Variants in UBE2D3 observed in about 807,000 individuals in gnomAD.
UBE2D3 encodes ubiquitin-conjugating enzyme E2 D3.
A neutral mutation model predicts 22.8 loss-of-function variants in UBE2D3; 2 were observed. That is an observed-to-expected ratio of 0.09 (90% CI 0.04 to 0.28). The LOEUF is 0.28. Among genes scored for constraint, UBE2D3 ranks in the 10% least tolerant of loss-of-function variants. The pLI is 1.00. For synonymous variants in UBE2D3, 56 were observed against 60.4 expected (o/e 0.93, Z 0.34); for missense variants, 27 against 182.5 (o/e 0.15, Z 4.91).
upstream of UBE2D3, among the ~76,000 whole-genome samples, chr4:102,831,271 A>C (rs1444437244): frequency 6.6e-6 from 1 of 152,230 alleles, no homozygotes; most frequent in African/African-American, 2.4e-5. Context: ...CACAAAAATC[A>C]AATTGATTTC....
exon 1 of UBE2D3, chr4:102,868,757 A>T: frequency 6.2e-7 from 1 of 1,614,080 alleles, no homozygotes; most frequent in Non-Finnish European, 8.5e-7. Context: ...TCACATGCTT[A>T]TCTCATCGCA....
intron 2 of UBE2D3, among the ~76,000 whole-genome samples, chr4:102,815,005 T>G (rs1728589838): frequency 6.6e-6 from 1 of 152,132 alleles, no homozygotes; most frequent in Admixed American, 6.6e-5. Flanking sequence ...GATTTTACAT[T>G]TAATATATGT....
At chr4:102,827,565 A>C, upstream of UBE2D3, 1 of 986,744 alleles carries the variant, frequency 1.0e-6, no homozygotes, top group Non-Finnish European at 1.2e-6. Context: ...GCCAGCTGCC[A>C]CGCTCCGCCC....
At chr4:102,859,490 A>G (rs4428288) in intron 1 of UBE2D3, among the ~76,000 whole-genome samples, 6,238 of 152,046 alleles carry the variant, frequency 0.041, 470 homozygotes, top group African/African-American at 0.14. Context: ...ATGAACCACA[A>G]AAAGATCAAT....
At chr4:102,801,397 C>G in intron 6 of UBE2D3, 57 bp downstream of exon 6, 1 of 1,437,018 alleles carries the variant, frequency 7.0e-7, no homozygotes, top group South Asian at 1.2e-5. Flanking sequence ...ATAAGTAGAT[C>G]TAAGAATGAA....
intron 1 of UBE2D3, among the ~76,000 whole-genome samples, chr4:102,834,200 A>G (rs913235417): frequency 2.0e-5 from 3 of 152,192 alleles, no homozygotes; most frequent in African/African-American, 7.2e-5. Context: ...CCTTTTCTAC[A>G]GAGAAGAGCA....
intron 2 of UBE2D3, among the ~76,000 whole-genome samples, chr4:102,821,454 T>C (rs1259737506): frequency 6.6e-6 from 1 of 152,172 alleles, no homozygotes; most frequent in African/African-American, 2.4e-5. Context: ...TCCCTGGGAC[T>C]AGAATACTAC....
chr4:102,850,616 C>T (rs1255328683), intron 1 of UBE2D3, among the ~76,000 whole-genome samples: 1 of 152,154 alleles, frequency 6.6e-6, no homozygotes, highest in Non-Finnish European at 1.5e-5. Flanking sequence ...AGAAGAGTGA[C>T]TCGGTCAGAC....
In UBE2D3 at chr4:102,809,719, A is replaced by C. The variant is rs755277430; in HGVS notation, c.89-16T>G. On this transcript the variant is annotated splice_polypyrimidine_tract_variant and intron_variant, in intron 3 of 7. Transcript: ENST00000453744. ...CAATGAAACACTAGAAAAAGAAAAA[A>C]AACTCTGGTTATCTAAAAATGCACA... 1.6e-5 allele frequency: 26 copies of C among 1,612,626 alleles called. No homozygotes were observed. Among genetic ancestry groups the C allele is most frequent in the Middle Eastern group, 3.3e-4 (2 of 6,056 alleles).
At chr4:102,853,292 G>A (rs372214314) in intron 1 of UBE2D3, among the ~76,000 whole-genome samples, 3 of 151,792 alleles carry the variant, frequency 2.0e-5, no homozygotes, top group East Asian at 1.9e-4. Flanking sequence ...ACAGGCGCCC[G>A]CCACTACACA....
intron 7 of UBE2D3, chr4:102,798,963 GCTAAC>G: frequency 6.2e-7 from 1 of 1,611,602 alleles, no homozygotes; most frequent in Non-Finnish European, 8.5e-7. Context: ...CCACTCTCTT[GCTAAC>G]CTATTGTACC....
At chr4:102,852,047 A>G (rs912826112) in intron 1 of UBE2D3, among the ~76,000 whole-genome samples, 3 of 97,926 alleles carry the variant, frequency 3.1e-5, no homozygotes, top group African/African-American at 6.3e-5. Context: ...AAGTTTGGCC[A>G]TGTAACTATT....
chr4:102,816,104 G>A (rs577692717), intron 2 of UBE2D3, among the ~76,000 whole-genome samples: 1 of 152,338 alleles, frequency 6.6e-6, no homozygotes, highest in East Asian at 1.9e-4. Flanking sequence ...GTAGCTAGCA[G>A]ACATTTTGTC....
At chr4:102,825,082 T>C (rs1730244721) in intron 2 of UBE2D3, among the ~76,000 whole-genome samples, 1 of 152,194 alleles carries the variant, frequency 6.6e-6, no homozygotes, top group African/African-American at 2.4e-5. Context: ...ACCTTCCTCT[T>C]TCATGAAACA....
At chr4:102,860,340 T>G (rs1402784527) in intron 1 of UBE2D3, among the ~76,000 whole-genome samples, 5 of 147,262 alleles carry the variant, frequency 3.4e-5, no homozygotes, top group Non-Finnish European at 6.0e-5. Flanking sequence ...GTTTTCTTGG[T>G]GTGTGTGTGT....
chr4:102,816,335 T>C (rs904556355), intron 2 of UBE2D3, among the ~76,000 whole-genome samples: 4 of 152,204 alleles, frequency 2.6e-5, no homozygotes, highest in African/African-American at 9.7e-5. Context: ...GCTATAAGAA[T>C]GTGACCCATA....
intron 1 of UBE2D3, among the ~76,000 whole-genome samples, chr4:102,865,431 G>A (rs223335): frequency 0.55 from 81,908 of 149,970 alleles, 22,891 homozygotes; most frequent in African/African-American, 0.68. Context: ...GGCAGAGGTT[G>A]TAGTGAGCTG....
intron 1 of UBE2D3, among the ~76,000 whole-genome samples, chr4:102,853,556 C>T (rs535134173): frequency 1.3e-5 from 2 of 152,050 alleles, no homozygotes; most frequent in South Asian, 4.2e-4. Context: ...ATATTGTAAA[C>T]TAATATATGT....
At chr4:102,805,737 C>T (rs534477453) in intron 4 of UBE2D3, among the ~76,000 whole-genome samples, 1 of 152,192 alleles carries the variant, frequency 6.6e-6, no homozygotes, top group African/African-American at 2.4e-5. Flanking sequence ...TATCTCTGGT[C>T]AGTTATTCAT....
Sources: allele counts gnomAD v4.1 joint callset (sites outside exome capture counted in the v4.1 genomes callset), GRCh38; gene constraint gnomAD v4.1.1; transcripts MANE v1.5; gene names NCBI Gene and HGNC (gene_info 2026-07-23, HGNC 2026-07-21).